Variants in BCAS3 observed in about 807,000 individuals in gnomAD.
BCAS3 encodes the protein BCAS4/BCAS3 fusion.
BCAS3 carries 53 observed loss-of-function variants against 116.1 expected under a neutral mutation model. The observed-to-expected ratio is 0.46, with a 90% confidence interval of 0.37 to 0.57. The LOEUF is 0.57. Among genes scored for constraint, BCAS3 ranks in the 20% least tolerant of loss-of-function variants. BCAS3 has a pLI of 0.00. For synonymous variants in BCAS3, 391 were observed against 408.2 expected (o/e 0.96, Z 0.51); for missense variants, 917 against 1,165.4 (o/e 0.79, Z 3.10).
At chr17:61,295,954 CA>C (rs11332478) in intron 22 of BCAS3, among the ~76,000 whole-genome samples, 14,133 of 79,830 alleles carry the variant, frequency 0.18, 998 homozygotes, top group African/African-American at 0.34. Context: ...GACTCCGTCT[CA>C]AAAAAAAAAA....
intron 22 of BCAS3, among the ~76,000 whole-genome samples, chr17:61,125,309 C>T (rs2143832378): frequency 6.6e-6 from 1 of 152,264 alleles, no homozygotes; most frequent in Middle Eastern, 3.4e-3. Context: ...GTGTAACATT[C>T]ATCAGCCTCT....
rs1221128466 is a variant in BCAS3, at chr17:61,097,686, C to G, written c.2425+13122C>G. On this transcript the variant is annotated intron_variant, in intron 22 of 23. Transcript: ENST00000407086. This position sits in a 1 kb window ranked among gnomAD's most constrained non-coding sequence, Gnocchi z 4.0. ...ATTAATTTATAAACAGTTAGGTGCC[C>G]AACACTGTGCTAGGTCTTGCCACAT... Among the ~76,000 whole-genome samples the G allele has an allele frequency of 6.6e-6, 1 of 152,026 alleles. No individual in the cohort carries two copies. Among genetic ancestry groups the G allele is most frequent in the Non-Finnish European group, 1.5e-5 (1 of 68,002 alleles).
intron 5 of BCAS3, among the ~76,000 whole-genome samples, chr17:60,740,723 T>C (rs1178238729): frequency 6.6e-6 from 1 of 151,964 alleles, no homozygotes; most frequent in Non-Finnish European, 1.5e-5. Context: ...TAAGAGGAGA[T>C]TGGATTTGGG....
chr17:60,890,650 C>T (rs1028709494), intron 10 of BCAS3, among the ~76,000 whole-genome samples: 4 of 151,994 alleles, frequency 2.6e-5, no homozygotes, highest in African/African-American at 9.7e-5. Context: ...AGGAATTTTA[C>T]TTATGTCTGA....
chr17:61,240,564 G>A (rs2047426790), intron 22 of BCAS3, among the ~76,000 whole-genome samples: 1 of 152,202 alleles, frequency 6.6e-6, no homozygotes, highest in South Asian at 2.1e-4. Flanking sequence ...TGAGGCAGGA[G>A]AATCGCTTGA....
intron 22 of BCAS3, among the ~76,000 whole-genome samples, chr17:61,160,083 T>A (rs906049994): frequency 6.6e-6 from 1 of 151,852 alleles, no homozygotes; most frequent in Non-Finnish European, 1.5e-5. Context: ...TAAATACATT[T>A]GTCCAAAATC....
At chr17:60,954,733 C>A (rs551168326) in intron 14 of BCAS3, among the ~76,000 whole-genome samples, 21 of 152,066 alleles carry the variant, frequency 1.4e-4, no homozygotes, top group Non-Finnish European at 2.8e-4. Flanking sequence ...ACATATAATG[C>A]CCAATTTCTT....
chr17:61,163,380 C>T (rs528222402), intron 22 of BCAS3, among the ~76,000 whole-genome samples: 53 of 151,042 alleles, frequency 3.5e-4, no homozygotes, highest in African/African-American at 1.1e-3. Context: ...GCCGAGATCA[C>T]GCCACTGCAT....
chr17:60,972,032 A>T (rs919163002), intron 14 of BCAS3, among the ~76,000 whole-genome samples: 1 of 152,052 alleles, frequency 6.6e-6, no homozygotes, highest in African/African-American at 2.4e-5. Context: ...TAAACATTTT[A>T]CTCTTGGAAT....
rs1362504257 is a variant in BCAS3 at position 61,201,757 on chromosome 17, A to G, written c.2425+117193A>G. On this transcript the variant is annotated intron_variant, in intron 22 of 23. Transcript: ENST00000407086. Reference sequence around the variant, plus strand: ...GGAGAAAGGTAAGGGAAAGGAAACTAACTTTTTTTTTTTTTTTTTGAGACA... The same window carrying G: ...GGAGAAAGGTAAGGGAAAGGAAACTGACTTTTTTTTTTTTTTTTTGAGACA... Among the ~76,000 whole-genome samples, 4 of 131,622 alleles carry G rather than the reference A, an allele frequency of 3.0e-5. No individual in the cohort carries two copies. In the East Asian group the frequency reaches 7.8e-4, roughly 26 times the overall value. 86.3% of individuals were successfully genotyped at this position (131,622 alleles called of 152,430 possible).
chr17:61,117,922 C>G (rs2075572450), intron 22 of BCAS3, among the ~76,000 whole-genome samples: 1 of 152,126 alleles, frequency 6.6e-6, no homozygotes, highest in South Asian at 2.1e-4. Context: ...GTGTTTCTAG[C>G]ATGTTCATAA....
chr17:61,286,061 GAAACAAC>G lies in BCAS3; in HGVS notation c.2426-82265_2426-82259del, dbSNP rs1031929377. ...CATGGACCAGAAACATTTCATAAAG[GAAACAAC>G]TGGTGGGAAGTTTTTTCCAGAGAGT... On this transcript the variant is annotated intron_variant, in intron 22 of 23. Coordinates refer to ENST00000407086, the MANE Select transcript of BCAS3 (RefSeq NM_017679.5). The surrounding 1 kb of genome is among the most constrained non-coding windows in gnomAD (Gnocchi z 4.8). Among the ~76,000 whole-genome samples, 18 of 152,190 alleles carry G rather than the reference GAAACAAC, an allele frequency of 1.2e-4. No homozygotes were observed. The highest frequency in any genetic ancestry group is 4.1e-4 in the African/African-American group (17 of 41,442).
intron 7 of BCAS3, among the ~76,000 whole-genome samples, chr17:60,853,252 T>C (rs1321807242): frequency 6.6e-6 from 1 of 152,236 alleles, no homozygotes; most frequent in Non-Finnish European, 1.5e-5. Context: ...GAAATTTTTT[T>C]TTAACTTCTC....
At position 61,217,877 on chromosome 17, in the gene BCAS3, G is replaced by A. The variant is rs192683890; in HGVS notation, c.2425+133313G>A. Among the ~76,000 whole-genome samples, 1 of 152,136 alleles carries A rather than the reference G, an allele frequency of 6.6e-6. No homozygotes were observed. The highest frequency in any genetic ancestry group is 1.5e-5 in the Non-Finnish European group (1 of 68,034). ...AGCGTCGGACTTCTCTGTAACAACA[G>A]TCTTGGTGGCTGACTTTGTTGCTCC... On this transcript the variant is annotated intron_variant, in intron 22 of 23. Coordinates refer to ENST00000407086, the MANE Select transcript of BCAS3 (RefSeq NM_017679.5). This position sits in a 1 kb window ranked among gnomAD's most constrained non-coding sequence, Gnocchi z 5.2.
chr17:61,285,082 C>G lies in BCAS3; in HGVS notation c.2426-83245C>G, dbSNP rs1023323412. Among the ~76,000 whole-genome samples, 1 of 152,188 alleles carries G rather than the reference C, an allele frequency of 6.6e-6. No individual in the cohort carries two copies. The highest frequency in any genetic ancestry group is 1.5e-5 in the Non-Finnish European group (1 of 68,044). ...ACCATGCCTACTGACTGATGCTAACCTCGGGGTCTCTTCTGTCCCCTAGTG... is the reference window on the plus strand; with the variant it reads ...ACCATGCCTACTGACTGATGCTAACGTCGGGGTCTCTTCTGTCCCCTAGTG... On this transcript the variant is annotated intron_variant, in intron 22 of 23. Coordinates refer to ENST00000407086, the MANE Select transcript of BCAS3 (RefSeq NM_017679.5). The surrounding 1 kb of genome is among the most constrained non-coding windows in gnomAD (Gnocchi z 5.4).
intron 7 of BCAS3, among the ~76,000 whole-genome samples, chr17:60,813,445 C>A (rs2049031552): frequency 6.6e-6 from 1 of 152,044 alleles, no homozygotes; most frequent in African/African-American, 2.4e-5. Context: ...TGTCTTTTGC[C>A]CACTTTTTAA....
intron 3 of BCAS3, among the ~76,000 whole-genome samples, chr17:60,687,237 C>G (rs1323661718): frequency 6.6e-6 from 1 of 152,134 alleles, no homozygotes; most frequent in African/African-American, 2.4e-5. Context: ...ATCGGTTGCT[C>G]TTGTTTGAAG....
Position 60,882,191 on chromosome 17 carries a change from A to G in BCAS3, c.661+7453A>G, listed in dbSNP as rs1019668984. On this transcript the variant is annotated intron_variant, in intron 9 of 23. Coordinates refer to ENST00000407086, the MANE Select transcript of BCAS3 (RefSeq NM_017679.5). ...TTAATTTGCATTTCTCTGATGGCCA[A>G]TGATGATGAGCATTTTTCCATGTGT... Among the ~76,000 whole-genome samples the G allele has an allele frequency of 5.3e-5, 8 of 152,326 alleles. 1 individual carries two copies. Among genetic ancestry groups the G allele is most frequent in the East Asian group, 1.9e-4 (1 of 5,190 alleles).
At chr17:61,152,443 AAGAC>A (rs2077592940) in intron 22 of BCAS3, among the ~76,000 whole-genome samples, 1 of 152,072 alleles carries the variant, frequency 6.6e-6, no homozygotes, top group Admixed American at 6.5e-5. Context: ...ATCCTCTTGT[AAGAC>A]AGAAAAGTTC....
Sources: allele counts gnomAD v4.1 joint callset (sites outside exome capture counted in the v4.1 genomes callset), GRCh38; gene constraint gnomAD v4.1.1; non-coding constraint Gnocchi (gnomAD v3.1); transcripts MANE v1.5; gene names NCBI Gene and HGNC (gene_info 2026-07-23, HGNC 2026-07-21).